The following MAGEC3 variants were observed in gnomAD, a reference collection of about 807,000 sequenced individuals.
The protein encoded by MAGEC3 is MAGE family member C3.
In MAGEC3, 34 loss-of-function variants were observed where a neutral mutation model predicts 35.3. The observed-to-expected ratio is 0.96, with a 90% CI of 0.73 to 1.28. The LOEUF is 1.28. MAGEC3 is among the 50% of genes most tolerant of loss of function. The probability of loss-of-function intolerance (pLI) is 0.00; values close to 1 mark genes in which losing one functional copy is unlikely to be tolerated. For missense variants in MAGEC3, 561 were observed against 483.6 expected, an observed-to-expected ratio of 1.16 and a Z score of -1.50; for synonymous variants, 202 against 185.6, an observed-to-expected ratio of 1.09 and a Z score of -0.72.
chrX:141,879,394 A>G lies in MAGEC3; in HGVS notation c.478A>G (p.Ser160Gly), dbSNP rs1389177878. Reference protein sequence around the residue: ...TGYTLSLPAVSPGKRLWGEKA... With the variant: ...TGYTLSLPAVGPGKRLWGEKA... ...CTACACCCTTTCCCTTCCTGCCGTCAGCCCTGGAAAAAGGTTGTGGGGGGA... is the reference window on the plus strand; with the variant it reads ...CTACACCCTTTCCCTTCCTGCCGTCGGCCCTGGAAAAAGGTTGTGGGGGGA... The change falls in exon 3 of 8, where the codon AGC becomes GGC. Residue 160 changes from serine to glycine, a missense_variant. Ser to Gly is a moderately conservative substitution (Grantham distance 56). Transcript: ENST00000298296. 10 of 1,185,069 alleles carry G rather than the reference A, an allele frequency of 8.4e-6. No individual in the cohort carries two copies. The highest frequency in any genetic ancestry group is 9.1e-6 in the Non-Finnish European group (8 of 882,653).
At chrX:141,848,212 G>C (rs1416749825) in intron 1 of MAGEC3, among the ~76,000 whole-genome samples, 1 of 108,752 alleles carries the variant, frequency 9.2e-6, no homozygotes, top group Non-Finnish European at 1.9e-5. Flanking sequence ...CTCAGAACTG[G>C]AATAAGACAA....
chrX:141,863,757 T>C (rs1444330280), intron 1 of MAGEC3, among the ~76,000 whole-genome samples: 2 of 111,766 alleles, frequency 1.8e-5, no homozygotes, highest in Non-Finnish European at 3.8e-5. Context: ...GAAGTGCAAA[T>C]TAAACCACAA....
intron 1 of MAGEC3, among the ~76,000 whole-genome samples, chrX:141,856,777 G>A (rs763828762): frequency 2.7e-5 from 3 of 111,942 alleles, no homozygotes; most frequent in East Asian, 5.7e-4. Flanking sequence ...CCTGGAGGAC[G>A]TTATGTTAAG....
At chrX:141,872,149 C>T (rs1278724003) in intron 2 of MAGEC3, among the ~76,000 whole-genome samples, 1 of 111,137 alleles carries the variant, frequency 9.0e-6, no homozygotes, top group Non-Finnish European at 1.9e-5. Flanking sequence ...TGCCATTTGC[C>T]ATTCCTCGTT....
At chrX:141,841,238 A>G (rs1048815818) in intron 1 of MAGEC3, among the ~76,000 whole-genome samples, 21 of 111,706 alleles carry the variant, frequency 1.9e-4, no homozygotes, top group African/African-American at 6.2e-4. Context: ...AGCCATTTTA[A>G]TTATCAAATC....
At chrX:141,882,028 A>T (rs747797732) in intron 4 of MAGEC3, among the ~76,000 whole-genome samples, 1 of 111,740 alleles carries the variant, frequency 8.9e-6, no homozygotes, top group African/African-American at 3.3e-5. Flanking sequence ...TCTTCCAAGG[A>T]TGCTTTGAAA....
intron 1 of MAGEC3, among the ~76,000 whole-genome samples, chrX:141,856,641 T>C (rs1019784568): frequency 1.8e-5 from 2 of 111,295 alleles, no homozygotes; most frequent in South Asian, 3.8e-4. Flanking sequence ...ATAGCCAACA[T>C]GTGGAATCAA....
At position 141,897,004 on chromosome X, in the gene MAGEC3, C is replaced by T. The variant is rs2018103735; in HGVS notation, c.1246C>T (p.Leu416=). 1 of 1,207,676 alleles carries T rather than the reference C, an allele frequency of 8.3e-7. No individual in the cohort carries two copies. Among genetic ancestry groups the T allele is most frequent in the South Asian group, 1.8e-5 (1 of 56,358 alleles). ...TCCGCAGAGTCCTCCCCAGAGTCCT[C>T]TAGACTCCTGCTCATCCCCTCTTTT... is the stretch of plus-strand genomic sequence containing the variant. ...GPPQSPPQSP[L]DSCSSPLLWT... is the part of the protein sequence containing the mutation. Residue 416 remains leucine (L), a synonymous_variant, in exon 7 of 8, where the codon CTA becomes TTA. Transcript: ENST00000298296.
chrX:141,894,716 G>T, intron 4 of MAGEC3: 2 of 970,589 alleles, frequency 2.1e-6, no homozygotes, highest in Non-Finnish European at 2.6e-6. Context: ...TCTGTGGAAG[G>T]ATAGCTATCT....
intron 1 of MAGEC3, chrX:141,840,089 T>G: frequency 3.3e-6 from 2 of 610,971 alleles, no homozygotes; most frequent in South Asian, 8.5e-5. Flanking sequence ...AGGATTTGTG[T>G]GAGGAGACCT....
chrX:141,859,063 C>T (rs1025434567), intron 1 of MAGEC3, among the ~76,000 whole-genome samples: 3 of 91,482 alleles, frequency 3.3e-5, no homozygotes, highest in African/African-American at 8.3e-5. Context: ...AATGACCATT[C>T]GCTTTGTTTC....
chrX:141,865,550 G>A lies in MAGEC3; in HGVS notation c.203G>A (p.Gly68Asp). Residue 68 changes from glycine to aspartate, a missense_variant, in exon 2 of 8, where the codon GGT (glycine) becomes GAT (aspartate). By Grantham distance (94) the Gly-to-Asp change is moderately conservative. Transcript: ENST00000298296. ...HLREVRLFLRGGTSDQRMDSL... is the reference protein window; with the variant it reads ...HLREVRLFLRDGTSDQRMDSL... ...AGGGAGGTGAGGCTTTTTCTGAGGG[G>A]TGGAACTTCAGATCAGCGAATGGAT... 8.3e-7 allele frequency: 1 copy of A among 1,210,504 alleles called. No individual in the cohort carries two copies. The highest frequency in any genetic ancestry group is 1.1e-6 in the Non-Finnish European group (1 of 894,817).
chrX:141,849,631 C>T (rs1277410424), intron 1 of MAGEC3, among the ~76,000 whole-genome samples: 1 of 110,961 alleles, frequency 9.0e-6, no homozygotes, highest in Non-Finnish European at 1.9e-5. Flanking sequence ...CCAACAAACA[C>T]GAAAAATTGC....
intron 2 of MAGEC3, among the ~76,000 whole-genome samples, chrX:141,871,248 G>A (rs936834624): frequency 3.6e-5 from 4 of 111,660 alleles, no homozygotes; most frequent in Non-Finnish European, 7.5e-5. Flanking sequence ...ACAGAGCTAG[G>A]AATACAGTTT....
chrX:141,840,142 G>T, intron 1 of MAGEC3, among the ~76,000 whole-genome samples: 1 of 111,892 alleles, frequency 8.9e-6, no homozygotes, highest in South Asian at 3.7e-4. Context: ...TTGATAGATG[G>T]AGGTGAAGTC....
chrX:141,866,210 C>T (rs188178857), intron 2 of MAGEC3, among the ~76,000 whole-genome samples: 1 of 112,005 alleles, frequency 8.9e-6, no homozygotes. Context: ...TCAGGTATTA[C>T]ATCTCTTCGC....
At chrX:141,855,218 A>G (rs2017772844) in intron 1 of MAGEC3, among the ~76,000 whole-genome samples, 1 of 110,545 alleles carries the variant, frequency 9.0e-6, no homozygotes, top group Non-Finnish European at 1.9e-5. Context: ...GCTAGAAGAT[A>G]GTTGTTTTTT....
chrX:141,846,206 G>GTTT (rs11414468), intron 1 of MAGEC3, among the ~76,000 whole-genome samples: 2 of 92,662 alleles, frequency 2.2e-5, no homozygotes, highest in Non-Finnish European at 4.4e-5. Context: ...CCTCACCAGT[G>GTTT]TTTTTTTTTT....
chrX:141,843,149 A>G (rs887931692), intron 1 of MAGEC3, among the ~76,000 whole-genome samples: 1 of 112,470 alleles, frequency 8.9e-6, no homozygotes, highest in Non-Finnish European at 1.9e-5. Context: ...CTAGTTCACA[A>G]GATGATTAGA....
Sources: allele counts gnomAD v4.1 joint callset (sites outside exome capture counted in the v4.1 genomes callset), GRCh38; gene constraint gnomAD v4.1.1; transcripts MANE v1.5; gene names NCBI Gene and HGNC (gene_info 2026-07-23, HGNC 2026-07-21).